Variants in SKIC3 observed in about 807,000 individuals in gnomAD.
SKIC3 encodes the protein superkiller complex protein 3.
At chr5:95,550,442 T>A in the SKIC3 span, 12 of 149,746 alleles carry the variant, frequency 8.0e-5, no homozygotes, top group African/African-American at 2.8e-4. Context: ...ACAAAAGGTA[T>A]TTTGTAATGA....
chr5:95,475,341 CATGA>C, the SKIC3 span, among the ~76,000 whole-genome samples: 1 of 152,096 alleles, frequency 6.6e-6, no homozygotes, highest in Non-Finnish European at 1.5e-5. Context: ...GCGGAGTTCT[CATGA>C]ATGGTTTAGC....
At chr5:95,495,107 C>G in the SKIC3 span, 1 of 1,265,104 alleles carries the variant, frequency 7.9e-7, no homozygotes, top group Non-Finnish European at 1.2e-6. Flanking sequence ...TCCACTAAAT[C>G]ACTGGAAAGG....
chr5:95,525,754 A>G, the SKIC3 span: 1 of 1,307,372 alleles, frequency 7.6e-7, no homozygotes. Flanking sequence ...ACGAACGAAC[A>G]CAGAAAAGCA....
the SKIC3 span, among the ~76,000 whole-genome samples, chr5:95,549,903 C>T: frequency 6.6e-6 from 1 of 151,910 alleles, no homozygotes; most frequent in Non-Finnish European, 1.5e-5. Flanking sequence ...CCACGTAACC[C>T]CATACTCCTC....
the SKIC3 span, chr5:95,523,731 T>G: frequency 6.2e-7 from 1 of 1,613,732 alleles, no homozygotes; most frequent in Non-Finnish European, 8.5e-7. Flanking sequence ...TTCAAAGGCT[T>G]TCCTATAACA....
chr5:95,470,785 C>T, the SKIC3 span, among the ~76,000 whole-genome samples: 1 of 88,152 alleles, frequency 1.1e-5, no homozygotes, highest in East Asian at 2.5e-4. Flanking sequence ...GCTTTATTCT[C>T]TCTCATATTA....
At chr5:95,527,204 G>A in the SKIC3 span, among the ~76,000 whole-genome samples, 2 of 152,078 alleles carry the variant, frequency 1.3e-5, no homozygotes, top group African/African-American at 4.8e-5. Context: ...GGTTCATCTT[G>A]TACATTTTCT....
the SKIC3 span, among the ~76,000 whole-genome samples, chr5:95,470,810 A>C: frequency 1.3e-5 from 2 of 152,110 alleles, no homozygotes; most frequent in Non-Finnish European, 2.9e-5. Flanking sequence ...CTGACTCAGA[A>C]ATAACAAAGG....
chr5:95,512,412 A>T, the SKIC3 span: 2 of 1,541,828 alleles, frequency 1.3e-6, no homozygotes, highest in Admixed American at 1.7e-5. Flanking sequence ...AATTAATTTT[A>T]AAAATTATTT....
At chr5:95,510,212 A>T in the SKIC3 span, among the ~76,000 whole-genome samples, 1 of 152,228 alleles carries the variant, frequency 6.6e-6, no homozygotes, top group Admixed American at 6.5e-5. Context: ...TTTCAAAATT[A>T]TAACTGAGAC....
chr5:95,477,537 G>A, the SKIC3 span, among the ~76,000 whole-genome samples: 2 of 151,776 alleles, frequency 1.3e-5, no homozygotes, highest in South Asian at 2.1e-4. Context: ...AATAAGGAAC[G>A]ACAAAAAAAT....
At chr5:95,522,245 G>A in the SKIC3 span, 40 of 1,613,590 alleles carry the variant, frequency 2.5e-5, 1 homozygote, top group Middle Eastern at 3.3e-4. Context: ...GCTTAAGTAT[G>A]CTTCTCCTAA....
the SKIC3 span, among the ~76,000 whole-genome samples, chr5:95,465,344 G>A: frequency 6.6e-6 from 1 of 152,174 alleles, no homozygotes; most frequent in Non-Finnish European, 1.5e-5. Flanking sequence ...GCATAGAACT[G>A]TTCAAATGAA....
chr5:95,510,320 GGTTTATA>G, the SKIC3 span, among the ~76,000 whole-genome samples: 1 of 152,172 alleles, frequency 6.6e-6, no homozygotes, highest in African/African-American at 2.4e-5. Flanking sequence ...GGAGGAACTT[GGTTTATA>G]GTTTATAGTT....
the SKIC3 span, chr5:95,464,015 C>T: frequency 3.3e-5 from 5 of 152,182 alleles, no homozygotes; most frequent in Non-Finnish European, 5.9e-5. Context: ...CATTCACACA[C>T]CTGAGTGTTT....
chr5:95,499,387 A>C, the SKIC3 span, among the ~76,000 whole-genome samples: 1 of 151,910 alleles, frequency 6.6e-6, no homozygotes, highest in African/African-American at 2.4e-5. Flanking sequence ...CTTCCCCTTC[A>C]CTTCCTGTCA....
chr5:95,548,792 A>G, the SKIC3 span: 5 of 152,012 alleles, frequency 3.3e-5, no homozygotes, highest in Admixed American at 1.3e-4. Flanking sequence ...GAGACACTCA[A>G]GTAAAAAAAT....
chr5:95,507,144 A>G, the SKIC3 span: 1 of 778,198 alleles, frequency 1.3e-6, no homozygotes, highest in Non-Finnish European at 2.1e-6. Flanking sequence ...TAGCTTATTC[A>G]TATTTTATTA....
At chr5:95,464,605 T>C in the SKIC3 span, 2 of 1,609,138 alleles carry the variant, frequency 1.2e-6, no homozygotes, top group Admixed American at 1.7e-5. Context: ...AATAATCCAA[T>C]GTTATTGTGA....
Sources: allele counts gnomAD v4.1 joint callset (sites outside exome capture counted in the v4.1 genomes callset), GRCh38; gene constraint gnomAD v4.1.1; transcripts MANE v1.5; gene names NCBI Gene and HGNC (gene_info 2026-07-23, HGNC 2026-07-21).